The following SEPTIN10 variants were observed in gnomAD, a reference collection of about 807,000 sequenced individuals.
The protein encoded by SEPTIN10 is septin-10.
A neutral mutation model predicts 54.8 loss-of-function variants in SEPTIN10; 66 were observed. That is an observed-to-expected ratio of 1.21 (90% CI 0.99 to 1.48). The LOEUF is 1.48. Ranked by LOEUF, SEPTIN10 falls within the 40% of genes most tolerant of loss-of-function variation. The pLI is 0.00. For missense variants in SEPTIN10, 620 were observed against 545.6 expected (o/e 1.14, Z -1.36); for synonymous variants, 161 against 181.0 (o/e 0.89, Z 0.89).
intron 6 of SEPTIN10, among the ~76,000 whole-genome samples, chr2:109,567,215 G>A (rs983606436): frequency 6.6e-6 from 1 of 152,118 alleles, no homozygotes; most frequent in Non-Finnish European, 1.5e-5. Flanking sequence ...TAAGTCTCAG[G>A]GAGGTTAGTA....
chr2:109,603,628 T>C (rs1697186032), intron 1 of SEPTIN10, among the ~76,000 whole-genome samples: 1 of 152,182 alleles, frequency 6.6e-6, no homozygotes, highest in Non-Finnish European at 1.5e-5. Context: ...TCAATATCCT[T>C]GCAATTTAAA....
intron 5 of SEPTIN10, among the ~76,000 whole-genome samples, chr2:109,573,500 C>T (rs1281733149): frequency 6.6e-6 from 1 of 152,118 alleles, no homozygotes; most frequent in Non-Finnish European, 1.5e-5. Flanking sequence ...TAAGCTACAT[C>T]AATTTTTGCT....
intron 2 of SEPTIN10, among the ~76,000 whole-genome samples, chr2:109,592,412 C>T (rs1212478464): frequency 6.6e-6 from 1 of 151,850 alleles, no homozygotes; most frequent in East Asian, 1.9e-4. Flanking sequence ...TTGCAGTAAG[C>T]TGAGATTGCA....
At chr2:109,574,818 A>G in intron 4 of SEPTIN10, 51 bp from the exon 5 acceptor site, 2 of 1,329,804 alleles carry the variant, frequency 1.5e-6, no homozygotes, top group African/African-American at 1.5e-5. Context: ...CTACCTTAAG[A>G]TATCTGTGCA....
chr2:109,561,835 C>T (rs1239809738), intron 8 of SEPTIN10, among the ~76,000 whole-genome samples: 2 of 152,108 alleles, frequency 1.3e-5, no homozygotes, highest in African/African-American at 4.8e-5. Context: ...ATCAGTGGGT[C>T]CTATGGACTT....
intron 2 of SEPTIN10, 98 bp from the exon 3 acceptor site, chr2:109,585,936 T>G (rs573495576): frequency 6.7e-5 from 55 of 817,436 alleles, no homozygotes; most frequent in Non-Finnish European, 9.2e-5. Flanking sequence ...ATCAAATAAA[T>G]GAAAATTTTT....
chr2:109,566,983 T>C (rs908565942), intron 6 of SEPTIN10, among the ~76,000 whole-genome samples: 3 of 152,208 alleles, frequency 2.0e-5, no homozygotes, highest in African/African-American at 7.2e-5. Context: ...ATTTAACATA[T>C]AGGAATTAAG....
intron 7 of SEPTIN10, among the ~76,000 whole-genome samples, chr2:109,565,129 A>G (rs1361921592): frequency 6.6e-6 from 1 of 152,170 alleles, no homozygotes; most frequent in African/African-American, 2.4e-5. Flanking sequence ...ACTCTTAAGT[A>G]TAATTATTAC....
rs759200038 is a variant in SEPTIN10, at chr2:109,564,508, C to T, written c.886G>A (p.Val296Ile). The change falls in exon 8 of 11, where the codon GTA becomes ATA. Residue 296 changes from valine (V) to isoleucine (I), a missense_variant. Physicochemically the swap from Val to Ile is conservative, Grantham distance 29. Transcript: ENST00000397712. Reference sequence around the variant, plus strand: ...CAAATGAGCATTTCCCGCAGCTTTACAAAGTCACAGTGGTTTTCATTTTCC... The same window carrying T: ...CAAATGAGCATTTCCCGCAGCTTTATAAAGTCACAGTGGTTTTCATTTTCC... ...QVENENHCDFVKLREMLICTN... is the reference protein window; with the variant it reads ...QVENENHCDFIKLREMLICTN... 1 of 1,547,340 alleles carries T rather than the reference C, an allele frequency of 6.5e-7. No homozygotes were observed.
intron 9 of SEPTIN10, among the ~76,000 whole-genome samples, chr2:109,548,370 A>G (rs1265536222): frequency 1.3e-4 from 20 of 152,218 alleles, no homozygotes; most frequent in Admixed American, 1.3e-3. Context: ...TCATGCAAAC[A>G]AAGCAGGACT....
chr2:109,596,508 T>C (rs961326198), intron 1 of SEPTIN10, among the ~76,000 whole-genome samples: 1 of 151,932 alleles, frequency 6.6e-6, no homozygotes, highest in East Asian at 1.9e-4. Flanking sequence ...TCCCAGCTAC[T>C]CGGGAGGCTG....
chr2:109,580,630 G>T (rs976904133), intron 4 of SEPTIN10, among the ~76,000 whole-genome samples: 2 of 152,014 alleles, frequency 1.3e-5, no homozygotes, highest in Admixed American at 1.3e-4. Context: ...AACAATGAAA[G>T]AAAGAAAAAT....
At chr2:109,553,698 C>CA (rs1345372814) in intron 8 of SEPTIN10, among the ~76,000 whole-genome samples, 4 of 151,066 alleles carry the variant, frequency 2.6e-5, no homozygotes, top group Non-Finnish European at 4.4e-5. Flanking sequence ...ACTAAAAATA[C>CA]AAAAAATTAG....
intron 9 of SEPTIN10, among the ~76,000 whole-genome samples, chr2:109,547,284 G>C (rs1051196301): frequency 6.6e-6 from 1 of 151,702 alleles, no homozygotes; most frequent in Non-Finnish European, 1.5e-5. Flanking sequence ...AGATGCTATA[G>C]AAGGTAGAAT....
chr2:109,563,948 C>A (rs1686288529), intron 8 of SEPTIN10, among the ~76,000 whole-genome samples: 2 of 152,282 alleles, frequency 1.3e-5, no homozygotes, highest in South Asian at 4.1e-4. Flanking sequence ...TAGTAAGACC[C>A]TGTCTCTACA....
intron 1 of SEPTIN10, among the ~76,000 whole-genome samples, chr2:109,603,190 T>C (rs954264560): frequency 1.3e-5 from 2 of 152,144 alleles, no homozygotes; most frequent in Non-Finnish European, 2.9e-5. Flanking sequence ...TTATTGTTTT[T>C]CACTTACTCC....
intron 4 of SEPTIN10, among the ~76,000 whole-genome samples, chr2:109,579,117 CAATAAAAAGATATTAA>C (rs1354104151): frequency 1.3e-5 from 2 of 151,998 alleles, no homozygotes; most frequent in Non-Finnish European, 2.9e-5. Flanking sequence ...ATGATGAAGA[CAATAAAAAGATATTAA>C]GAGTACATTA....
intron 1 of SEPTIN10, among the ~76,000 whole-genome samples, chr2:109,602,403 C>T (rs1022667553): frequency 2.0e-5 from 3 of 152,106 alleles, no homozygotes; most frequent in African/African-American, 7.2e-5. Flanking sequence ...AAGCCGGGCA[C>T]GGTGGCTCAC....
chr2:109,609,860 C>T lies in SEPTIN10; in HGVS notation c.30+3938G>A, dbSNP rs573945868. Among the ~76,000 whole-genome samples, 9 of 152,232 alleles carry T rather than the reference C, an allele frequency of 5.9e-5. No individual in the cohort carries two copies. In the South Asian group the frequency reaches 1.2e-3, roughly 21 times the overall value. On this transcript the variant is annotated intron_variant, in intron 1 of 10. Coordinates refer to ENST00000397712, the MANE Select transcript of SEPTIN10 (RefSeq NM_144710.5). ...TAACTGAAGAAGTGGAAAATTATGG[C>T]TGTGTTTCTCGGGAGATGAAAAGGC...
Sources: allele counts gnomAD v4.1 joint callset (sites outside exome capture counted in the v4.1 genomes callset), GRCh38; gene constraint gnomAD v4.1.1; transcripts MANE v1.5; gene names NCBI Gene and HGNC (gene_info 2026-07-23, HGNC 2026-07-21).